Variants in MEGF6 observed in about 807,000 individuals in gnomAD.
MEGF6 encodes multiple epidermal growth factor-like domains protein 6.
MEGF6 carries 184 observed loss-of-function variants against 207.1 expected under a neutral mutation model. That is an observed-to-expected ratio of 0.89 (90% CI 0.79 to 1.00). The LOEUF (loss-of-function observed/expected upper bound fraction) is 1.00, where lower values mean the gene tolerates loss of function less well. Ranked by LOEUF, MEGF6 falls within the 50% of genes least tolerant of loss-of-function variation. MEGF6 has a pLI of 0.00. For missense variants in MEGF6, 2,282 were observed against 2,202.9 expected, an observed-to-expected ratio of 1.04 and a Z score of -0.72; for synonymous variants, 1,038 against 910.0, an observed-to-expected ratio of 1.14 and a Z score of -2.53.
At chr1:3,590,117 G>A (rs2101819176) in intron 3 of MEGF6, among the ~76,000 whole-genome samples, 1 of 152,338 alleles carries the variant, frequency 6.6e-6, no homozygotes, top group African/African-American at 2.4e-5. Flanking sequence ...AGGAGTTGCG[G>A]GGTACAGGGG....
At chr1:3,622,346 G>A in the MEGF6 span, among the ~76,000 whole-genome samples, 5 of 152,146 alleles carry the variant, frequency 3.3e-5, no homozygotes, top group African/African-American at 1.2e-4. Context: ...CATGTAAGAC[G>A]TGCCTTGCTT....
At chr1:3,572,323 C>T (rs1205134599) in intron 4 of MEGF6, among the ~76,000 whole-genome samples, 6 of 124,470 alleles carry the variant, frequency 4.8e-5, no homozygotes, top group Non-Finnish European at 8.3e-5. Flanking sequence ...GTGCTGGGTC[C>T]TCCTGGGTGT....
At chr1:3,511,743 T>C (rs1641353910) in intron 8 of MEGF6, 56 bp from the exon 9 acceptor site, 2 of 1,568,396 alleles carry the variant, frequency 1.3e-6, no homozygotes, top group African/African-American at 2.7e-5. Context: ...GACCCCCACC[T>C]ACCTTAGTTA....
chr1:3,530,086 G>C (rs746651440), intron 4 of MEGF6, among the ~76,000 whole-genome samples: 14 of 152,254 alleles, frequency 9.2e-5, no homozygotes, highest in Non-Finnish European at 1.5e-4. Context: ...AGAGGCCTTG[G>C]ATGCTTCGCA....
chr1:3,604,520 G>C lies in MEGF6; in HGVS notation c.132-1920C>G, dbSNP rs113923426. Among the ~76,000 whole-genome samples, 366 of 152,302 alleles carry C rather than the reference G, an allele frequency of 2.4e-3. 3 individuals are homozygous for C. Among genetic ancestry groups the C allele is most frequent in the Admixed American group, 5.7e-3 (87 of 15,308 alleles). On this transcript the variant is annotated intron_variant, in intron 1 of 36. Transcript: ENST00000356575. ...AAAGGCTCTGCCATTGCCTCTTCCT[G>C]CACCAGGAAGACAACTCTCACCTGG...
chr1:3,512,127 A>G lies in MEGF6; in HGVS notation c.855T>C (p.Asp285=), dbSNP rs1463534707. The change falls in exon 8 of 37, where the codon GAT becomes GAC. Residue 285 remains aspartate, a splice_region_variant and synonymous_variant. Coordinates refer to ENST00000356575, the MANE Select transcript of MEGF6 (RefSeq NM_001409.4). ...QLAADGKACE[D]VDECAAGLAQ... The stretch of plus-strand genomic sequence containing the variant: ...CCAGCCCTGCGGCACATTCGTCCAC[A>G]TCTGGAGGGGAGAGACCACAGGGAG... 3.4e-5 allele frequency: 54 copies of G among 1,603,542 alleles called. No individual in the cohort carries two copies. Among genetic ancestry groups the G allele is most frequent in the Non-Finnish European group, 4.3e-5 (50 of 1,173,280 alleles).
At chr1:3,616,185 T>C (rs977215038), upstream of MEGF6, among the ~76,000 whole-genome samples, 12 of 152,178 alleles carry the variant, frequency 7.9e-5, no homozygotes, top group African/African-American at 2.9e-4. Flanking sequence ...CCCTGCAGCC[T>C]GACTTTAATC....
At chr1:3,558,736 C>T (rs1167555248) in intron 4 of MEGF6, among the ~76,000 whole-genome samples, 2 of 152,258 alleles carry the variant, frequency 1.3e-5, no homozygotes, top group Non-Finnish European at 2.9e-5. Flanking sequence ...CAGCACCCTT[C>T]TGCCTTGCTG....
At chr1:3,587,784 G>T (rs1347334366) in intron 3 of MEGF6, among the ~76,000 whole-genome samples, 1 of 152,006 alleles carries the variant, frequency 6.6e-6, no homozygotes, top group Non-Finnish European at 1.5e-5. Context: ...CGCAGGCCAT[G>T]GATTTCCTGA....
At chr1:3,558,244 G>T (rs1425058346) in intron 4 of MEGF6, among the ~76,000 whole-genome samples, 2 of 152,152 alleles carry the variant, frequency 1.3e-5, no homozygotes, top group Non-Finnish European at 2.9e-5. Flanking sequence ...CACCGTCCCT[G>T]CCTCTCTCGT....
chr1:3,537,942 A>G (rs1382697041), intron 4 of MEGF6, among the ~76,000 whole-genome samples: 1 of 152,122 alleles, frequency 6.6e-6, no homozygotes, highest in Non-Finnish European at 1.5e-5. Context: ...AGCCACCCAG[A>G]GCAGCAAGGG....
At chr1:3,552,538 A>G (rs753273509) in intron 4 of MEGF6, among the ~76,000 whole-genome samples, 2 of 152,386 alleles carry the variant, frequency 1.3e-5, no homozygotes, top group South Asian at 4.1e-4. Flanking sequence ...TCTACAAAAA[A>G]TAACAAATTA....
At chr1:3,609,496 G>C (rs1450276860) in intron 1 of MEGF6, among the ~76,000 whole-genome samples, 1 of 152,206 alleles carries the variant, frequency 6.6e-6, no homozygotes, top group Non-Finnish European at 1.5e-5. Context: ...CAGTGGATAC[G>C]CCTGCAGCCA....
chr1:3,548,217 CCAGA>C (rs1642777773), intron 4 of MEGF6, among the ~76,000 whole-genome samples: 1 of 152,340 alleles, frequency 6.6e-6, no homozygotes, highest in South Asian at 2.1e-4. Flanking sequence ...CACCAGCACC[CCAGA>C]CAGACGGAAC....
chr1:3,595,316 G>A (rs569550949), intron 3 of MEGF6, 22 bp downstream of exon 3: 31 of 1,568,126 alleles, frequency 2.0e-5, no homozygotes, highest in Admixed American at 6.7e-5. Flanking sequence ...AGGGAGGGCG[G>A]GGAGGCGCAG....
At chr1:3,542,486 C>G (rs1170466823) in intron 4 of MEGF6, among the ~76,000 whole-genome samples, 1 of 152,080 alleles carries the variant, frequency 6.6e-6, no homozygotes, top group African/African-American at 2.4e-5. Flanking sequence ...CCCCACTCAG[C>G]CTGATGTGGG....
intron 4 of MEGF6, among the ~76,000 whole-genome samples, chr1:3,572,560 G>A (rs113234548): frequency 3.2e-4 from 48 of 148,210 alleles, no homozygotes; most frequent in African/African-American, 1.2e-3. Flanking sequence ...GGTTCTCTCA[G>A]GTATGCTGGG....
chr1:3,592,793 T>C (rs1367018484), intron 3 of MEGF6, among the ~76,000 whole-genome samples: 1 of 151,550 alleles, frequency 6.6e-6, no homozygotes, highest in East Asian at 2.0e-4. Context: ...CCCCGGACCA[T>C]GAAAACAAGC....
At chr1:3,602,336 T>A in intron 2 of MEGF6, 130 bp downstream of exon 2, 11 of 1,375,230 alleles carry the variant, frequency 8.0e-6, no homozygotes, top group Non-Finnish European at 1.1e-5. Flanking sequence ...AGATGAGGGC[T>A]TCAGGCAGGG....
Sources: gnomAD v4.1 joint callset for allele counts (sites outside exome capture counted in the v4.1 genomes callset) on GRCh38, gnomAD v4.1.1 for gene constraint, MANE v1.5 for transcripts, NCBI Gene and HGNC (gene_info 2026-07-23, HGNC 2026-07-21) for gene names.